Variants in EXOC6 observed in about 807,000 individuals in gnomAD.
EXOC6 encodes the protein exocyst complex component 6, also known as SEC15-like 1.
EXOC6 carries 60 observed loss-of-function variants against 112.5 expected under a neutral mutation model. The ratio of observed to expected loss-of-function variants is 0.53; its 90% CI spans 0.43 to 0.66. The LOEUF (loss-of-function observed/expected upper bound fraction) is 0.66. EXOC6 is among the 30% of genes least tolerant of loss of function. EXOC6 has a pLI of 0.00. For missense variants in EXOC6, 855 were observed against 957.1 expected, an observed-to-expected ratio of 0.89 and a Z score of 1.41; for synonymous variants, 295 against 308.0, an observed-to-expected ratio of 0.96 and a Z score of 0.44.
chr10:92,936,825 C>T (rs955688105), intron 12 of EXOC6, among the ~76,000 whole-genome samples: 2 of 151,754 alleles, frequency 1.3e-5, no homozygotes, highest in Admixed American at 6.6e-5. Context: ...TCTCCCTCCT[C>T]GATATTAGGA....
chr10:92,914,584 G>A (rs563328638), intron 6 of EXOC6, among the ~76,000 whole-genome samples: 11 of 152,216 alleles, frequency 7.2e-5, no homozygotes, highest in African/African-American at 2.2e-4. Context: ...GAAAATCATT[G>A]ACAAAATTAG....
At chr10:92,925,295 A>G (rs1017866316) in intron 8 of EXOC6, among the ~76,000 whole-genome samples, 1 of 151,916 alleles carries the variant, frequency 6.6e-6, no homozygotes, top group South Asian at 2.1e-4. Context: ...TTGTAATTCC[A>G]TAAATTTTTT....
At chr10:92,985,237 A>G (rs536672522) in intron 18 of EXOC6, among the ~76,000 whole-genome samples, 11 of 152,154 alleles carry the variant, frequency 7.2e-5, no homozygotes, top group African/African-American at 2.7e-4. Context: ...CAATTGTTTC[A>G]GAAATCTTCA....
intron 19 of EXOC6, among the ~76,000 whole-genome samples, chr10:93,013,569 C>T (rs1187538894): frequency 6.6e-6 from 1 of 152,048 alleles, no homozygotes; most frequent in Admixed American, 6.5e-5. Flanking sequence ...GATGGCGCCA[C>T]TGCACTCCAG....
At chr10:93,011,536 A>G (rs1318631689) in intron 19 of EXOC6, among the ~76,000 whole-genome samples, 3 of 152,208 alleles carry the variant, frequency 2.0e-5, no homozygotes, top group Non-Finnish European at 2.9e-5. Context: ...ACTAGGATTT[A>G]TAGGCATGAG....
chr10:92,968,706 TCTGG>T (rs1842166225), intron 17 of EXOC6, among the ~76,000 whole-genome samples: 1 of 152,212 alleles, frequency 6.6e-6, no homozygotes. Context: ...TTTAGCCCCT[TCTGG>T]GTGCCAATTA....
chr10:92,858,380 A>G (rs1454766282), intron 1 of EXOC6, among the ~76,000 whole-genome samples: 3 of 151,842 alleles, frequency 2.0e-5, no homozygotes, highest in African/African-American at 7.3e-5. Context: ...TGATGTCCAC[A>G]TTTATTTGAG....
chr10:92,926,536 A>G (rs1851733629), intron 8 of EXOC6, among the ~76,000 whole-genome samples: 1 of 151,754 alleles, frequency 6.6e-6, no homozygotes, highest in Non-Finnish European at 1.5e-5. Flanking sequence ...AATAAAAAAA[A>G]AAAGAAAGAA....
At chr10:92,861,010 T>G (rs974352745) in intron 1 of EXOC6, among the ~76,000 whole-genome samples, 13 of 152,210 alleles carry the variant, frequency 8.5e-5, no homozygotes, top group Non-Finnish European at 1.3e-4. Context: ...TCTTCACTTT[T>G]TCTTTTCCTG....
intron 1 of EXOC6, among the ~76,000 whole-genome samples, chr10:92,889,603 A>G (rs1849394408): frequency 6.6e-6 from 1 of 152,074 alleles, no homozygotes; most frequent in South Asian, 2.1e-4. Context: ...AAATTCAGTT[A>G]CTATGTTTAT....
intron 17 of EXOC6, among the ~76,000 whole-genome samples, chr10:92,969,418 C>T (rs547175444): frequency 1.2e-4 from 18 of 152,254 alleles, no homozygotes; most frequent in African/African-American, 4.3e-4. Flanking sequence ...ACAAAGTCAT[C>T]TCCACTGTTT....
chr10:92,910,209 A>G (rs961109860), intron 6 of EXOC6, among the ~76,000 whole-genome samples: 1 of 152,232 alleles, frequency 6.6e-6, no homozygotes, highest in Admixed American at 6.5e-5. Flanking sequence ...TTAGCCCCAA[A>G]CTGGAAACAA....
Position 93,023,630 on chromosome 10 carries a change from CT to C in EXOC6, c.2169+9364del, listed in dbSNP as rs143251459. Among the ~76,000 whole-genome samples the C allele has an allele frequency of 3.0e-3, 461 of 152,238 alleles. 1 individual carries two copies. Among genetic ancestry groups the C allele is most frequent in the African/African-American group, 0.01 (430 of 41,532 alleles). Reference sequence around the variant, plus strand: ...GTAAAGCCTATCATCCTGTTACCCCCTATTCTGAAATTAAGTTGCTAAATGA... The same window carrying C: ...GTAAAGCCTATCATCCTGTTACCCCCATTCTGAAATTAAGTTGCTAAATGA... On this transcript the variant is annotated intron_variant, in intron 20 of 21. Transcript: ENST00000260762.
At chr10:92,872,146 T>G (rs1848481739) in intron 1 of EXOC6, among the ~76,000 whole-genome samples, 1 of 152,138 alleles carries the variant, frequency 6.6e-6, no homozygotes, top group Non-Finnish European at 1.5e-5. Context: ...AATGCTGTTC[T>G]TCTTCACTGA....
At chr10:92,852,063 C>T (rs1847376787) in intron 1 of EXOC6, among the ~76,000 whole-genome samples, 1 of 152,076 alleles carries the variant, frequency 6.6e-6, no homozygotes, top group Admixed American at 6.5e-5. Context: ...AGTGAGACCC[C>T]CATCTCAAAA....
At chr10:92,890,237 T>G (rs910705396) in intron 1 of EXOC6, among the ~76,000 whole-genome samples, 3 of 152,172 alleles carry the variant, frequency 2.0e-5, no homozygotes, top group African/African-American at 7.2e-5. Context: ...ATGTAAATAG[T>G]ATTGTGTGTT....
At chr10:93,001,482 A>G (rs1000872746) in intron 19 of EXOC6, among the ~76,000 whole-genome samples, 2 of 152,178 alleles carry the variant, frequency 1.3e-5, no homozygotes, top group African/African-American at 4.8e-5. Context: ...ACCTAGTTCT[A>G]CCTTAGGGTT....
chr10:93,026,707 ATTGTT>A (rs1293547931), intron 20 of EXOC6, among the ~76,000 whole-genome samples: 4 of 152,078 alleles, frequency 2.6e-5, no homozygotes. Flanking sequence ...TACCATTGTA[ATTGTT>A]TTGGGGTGCA....
chr10:93,010,139 T>C lies in EXOC6; in HGVS notation c.2096-4055T>C, dbSNP rs372207354. ...GGAAAAATACGAAGCTGTGAATCAA[T>C]AGCATATCATTACGAATGTCCTCTG... is the stretch of plus-strand genomic sequence containing the variant. On this transcript the variant is annotated intron_variant, in intron 19 of 21. Transcript: ENST00000260762. 2.0e-5 allele frequency among the ~76,000 whole-genome samples: 3 copies of C among 152,306 alleles called. No homozygotes were observed. The East Asian group carries it at 5.8e-4, about 29-fold the overall frequency.
Sources: gnomAD v4.1 joint callset for allele counts (sites outside exome capture counted in the v4.1 genomes callset) on GRCh38, gnomAD v4.1.1 for gene constraint, MANE v1.5 for transcripts, NCBI Gene and HGNC (gene_info 2026-07-23, HGNC 2026-07-21) for gene names.